Variants in EIF2B4 observed in about 807,000 individuals in gnomAD.
EIF2B4 encodes the protein eukaryotic translation initiation factor 2B subunit delta.
Under a neutral mutation model 66.7 loss-of-function variants are expected in EIF2B4, and 34 were observed. The observed-to-expected ratio is 0.51, with a 90% CI of 0.39 to 0.68. The LOEUF is 0.68. EIF2B4 is among the 30% of genes least tolerant of loss of function. EIF2B4 has a pLI of 0.00. For synonymous variants in EIF2B4, 278 were observed against 253.6 expected, an observed-to-expected ratio of 1.10 and a Z score of -0.92; for missense variants, 618 against 657.9, an observed-to-expected ratio of 0.94 and a Z score of 0.66.
At chr2:27,364,992 T>C in intron 11 of EIF2B4, 94 bp from the exon 12 acceptor site, 1 of 1,253,234 alleles carries the variant, frequency 8.0e-7, no homozygotes, top group East Asian at 2.5e-5. Flanking sequence ...TTAAGACAAG[T>C]AATAAATCTC....
chr2:27,366,971 T>G, intron 10 of EIF2B4, 35 bp from the exon 11 acceptor site: 1 of 1,613,932 alleles, frequency 6.2e-7, no homozygotes, highest in Non-Finnish European at 8.5e-7. Flanking sequence ...CAGTTATAAA[T>G]GTCAGTAACT....
Position 27,367,079 on chromosome 2 carries a change from A to G in EIF2B4, c.1008T>C (p.Tyr336=). 6.2e-7 allele frequency: 1 copy of G among 1,614,220 alleles called. No homozygotes were observed. The part of the protein sequence containing the change: ...KISNGDVILV[Y]GCSSLVSRIL... ...TCACAAGGTCTGGACCATACCATCC[A>G]TATACCAGGATCACATCTCCATTAC... The change falls in exon 10 of 13, where the codon TAT becomes TAC. Residue 336 remains tyrosine, a synonymous_variant. Transcript: ENST00000347454.
rs754244635 is a variant in EIF2B4 at position 27,364,541 on chromosome 2, C to T, written c.1431G>A (p.Gln477=). The change falls in exon 13 of 13, where the codon CAG becomes CAA. Residue 477 remains glutamine (Q), a synonymous_variant. Coordinates refer to ENST00000347454, the MANE Select transcript of EIF2B4 (RefSeq NM_001034116.2). Reference sequence around the variant, plus strand: ...TCAACAACCGTAGGGATGCGTGGTTCTGCCAGTTAGCCAGCGCAACATGTT... The same window carrying T: ...TCAACAACCGTAGGGATGCGTGGTTTTGCCAGTTAGCCAGCGCAACATGTT... ...RGEHVALANW[Q]NHASLRLLNL... The T allele has an allele frequency of 1.2e-6, 2 of 1,614,126 alleles. No individual in the cohort carries two copies. Among genetic ancestry groups the T allele is most frequent in the African/African-American group, 2.7e-5 (2 of 74,936 alleles).
chr2:27,365,685 TTAA>T (rs1380163862), intron 11 of EIF2B4: 1 of 152,190 alleles, frequency 6.6e-6, no homozygotes, highest in Non-Finnish European at 1.5e-5. Flanking sequence ...CTAATAAATC[TTAA>T]TGATGGCTTT....
At position 27,368,412 on chromosome 2, in the gene EIF2B4, G is replaced by T; in HGVS notation, c.550C>A (p.Pro184Thr). The stretch of plus-strand genomic sequence containing the variant: ...AGAGAGTTTTGTCTGCTGTACTGGG[G>T]TAGGTGAGAGAAGAGACTGACTTTG... ...GSKVSLFSHLPQYSRQNSLTQ... is the reference protein window; with the variant it reads ...GSKVSLFSHLTQYSRQNSLTQ... Residue 184 changes from proline to threonine, a missense_variant, in exon 6 of 13, where the codon CCC becomes ACC. Pro to Thr is a conservative substitution (Grantham distance 38, BLOSUM62 -1). Transcript: ENST00000347454. The T allele has an allele frequency of 6.2e-7, 1 of 1,614,150 alleles. No individual in the cohort carries two copies. The highest frequency in any genetic ancestry group is 1.7e-5 in the Admixed American group (1 of 60,014).
At chr2:27,369,802 C>A (rs1572614008) in intron 2 of EIF2B4, 74 bp downstream of exon 2, 2 of 1,513,756 alleles carry the variant, frequency 1.3e-6, no homozygotes, top group East Asian at 4.9e-5. Context: ...GGGATGGGAG[C>A]TGGGGCGGAA....
In EIF2B4 at chr2:27,368,888, G is replaced by A. The variant is rs978812492; in HGVS notation, c.418+118C>T. Reference sequence around the variant, plus strand: ...ATAGGGATAGGATAATGGGGTTGCAGGAACAATTCAGAACTCTGGGTCCCA... The same window carrying A: ...ATAGGGATAGGATAATGGGGTTGCAAGAACAATTCAGAACTCTGGGTCCCA... On this transcript the variant is annotated intron_variant, in intron 4 of 12. Coordinates refer to ENST00000347454, the MANE Select transcript of EIF2B4 (RefSeq NM_001034116.2). The A allele has an allele frequency of 4.8e-5, 70 of 1,461,900 alleles. No homozygotes were observed. In the African/African-American group the frequency reaches 6.0e-4, roughly 13 times the overall value. 90.6% of individuals were successfully genotyped at this position (1,461,900 alleles called of 1,614,324 possible). A position where few individuals can be genotyped will look rare whatever the true frequency, so the allele number is the denominator to read the frequency against.
In EIF2B4 at chr2:27,368,053, C is replaced by T; in HGVS notation, c.677G>A (p.Cys226Tyr). 1 of 1,594,918 alleles carries T rather than the reference C, an allele frequency of 6.3e-7. No homozygotes were observed. Among genetic ancestry groups the T allele is most frequent in the Non-Finnish European group, 8.5e-7 (1 of 1,170,518 alleles). The change falls in exon 7 of 13, where the codon TGT becomes TAT. Residue 226 changes from cysteine to tyrosine, a missense_variant. Cys to Tyr is a radical substitution (Grantham distance 194). Transcript: ENST00000347454. ...CTGCAAGGCACGAAGCAGGGCAATA[C>T]ACCGGGCATTGGAGCCACTGACCAG... ...QGLVSGSNARCIALLRALQQV... is the reference protein window; with the variant it reads ...QGLVSGSNARYIALLRALQQV...
At position 27,368,698 on chromosome 2, in the gene EIF2B4, C is replaced by A; in HGVS notation, c.454G>T (p.Asp152Tyr). 1 of 1,614,150 alleles carries A rather than the reference C, an allele frequency of 6.2e-7. No individual in the cohort carries two copies. The highest frequency in any genetic ancestry group is 1.1e-5 in the South Asian group (1 of 91,072). ...TTAACAAGCCTTCTCAGAAGTAGGT[C>A]ATCAACCTGAGGGTACTCAGGGAGA... ...KRLPEYPQVD[D>Y]LLLRRLVKKP... The change falls in exon 5 of 13, where the codon GAC becomes TAC. Residue 152 changes from aspartate (D) to tyrosine (Y), a missense_variant. By Grantham distance (160) the Asp-to-Tyr change is radical. Around this residue, in one of 4 missense-constraint regions of EIF2B4, gnomAD observed 506 missense variants for 511.9 expected, o/e 0.99. Transcript: ENST00000347454.
Position 27,368,746 on chromosome 2 carries a change from C to T in EIF2B4, c.419-13G>A, listed in dbSNP as rs770699036. 3 of 1,613,366 alleles carry T rather than the reference C, an allele frequency of 1.9e-6. No homozygotes were observed. The highest frequency in any genetic ancestry group is 2.5e-6 in the Non-Finnish European group (3 of 1,179,312). On this transcript the variant is annotated splice_polypyrimidine_tract_variant and intron_variant, in intron 4 of 12. Transcript: ENST00000347454. ...AGACGCTTCACTCCTGAAAGATAAT[C>T]ATCATGTTTTCAGGACACTGTAGGT...
intron 11 of EIF2B4, 111 bp from the exon 12 acceptor site, chr2:27,365,009 TG>T: frequency 9.3e-7 from 1 of 1,076,340 alleles, no homozygotes; most frequent in South Asian, 1.4e-5. Flanking sequence ...TCTCAACACC[TG>T]TGAAAAGAAG....
intron 2 of EIF2B4, 138 bp downstream of exon 2, chr2:27,369,738 G>C (rs1241149539): frequency 7.0e-7 from 1 of 1,434,046 alleles, no homozygotes; most frequent in Admixed American, 2.1e-5. Context: ...TATATCCCTA[G>C]GGTTGCAAGA....
At position 27,370,287 on chromosome 2, in the gene EIF2B4, C is replaced by G. The variant is rs542570644; in HGVS notation, c.28G>C (p.Glu10Gln). MAAVAVAVR[E>Q]DSGSGMKAEL... Reference sequence around the variant, plus strand: ...GCAGGCCCGGCTCTTCACTCACCCTCGCGAACAGCCACGGCCACAGCAGCC... The same window carrying G: ...GCAGGCCCGGCTCTTCACTCACCCTGGCGAACAGCCACGGCCACAGCAGCC... The change falls in exon 1 of 13, where the codon GAG (glutamate) becomes CAG (glutamine). Residue 10 changes from glutamate to glutamine, a missense_variant. Coordinates refer to ENST00000347454, the MANE Select transcript of EIF2B4 (RefSeq NM_001034116.2). The G allele has an allele frequency of 2.8e-5, 43 of 1,548,176 alleles. No homozygotes were observed. The Middle Eastern group carries it at 6.7e-4, about 24-fold the overall frequency.
rs1359644343 is a variant in EIF2B4, at chr2:27,367,944, A to G, written c.705+81T>C. 7 of 1,474,976 alleles carry G rather than the reference A, an allele frequency of 4.7e-6. No individual in the cohort carries two copies. In the African/African-American group the frequency reaches 9.7e-5, roughly 21 times the overall value. The allele number at this position is 1,474,976 out of a possible 1,614,324, so 91.4% of individuals were successfully genotyped here. A position where few individuals can be genotyped will look rare whatever the true frequency, so the allele number is the denominator to read the frequency against. On this transcript the variant is annotated intron_variant, in intron 7 of 12. Coordinates refer to ENST00000347454, the MANE Select transcript of EIF2B4 (RefSeq NM_001034116.2). ...TAGGAGTATTCCCTCTGTCCCCCAG[A>G]GATGACCTTGGGTGACAGAAGCTGG...
chr2:27,366,635 C>T (rs1054271987), intron 11 of EIF2B4, 124 bp downstream of exon 11: 18 of 1,156,160 alleles, frequency 1.6e-5, no homozygotes, highest in African/African-American at 3.0e-5. Flanking sequence ...GCTGTGATCA[C>T]GTCGCTGCAC....
chr2:27,368,277 C>A, intron 6 of EIF2B4, 95 bp downstream of exon 6: 1 of 1,359,838 alleles, frequency 7.4e-7, no homozygotes, highest in Non-Finnish European at 1.0e-6. Context: ...CATACTTTTT[C>A]CTACAGAGTC....
At position 27,364,753 on chromosome 2, in the gene EIF2B4, C is replaced by A. The variant is rs767391188; in HGVS notation, c.1337G>T (p.Arg446Leu). 1 of 1,614,222 alleles carries A rather than the reference C, an allele frequency of 6.2e-7. No homozygotes were observed. The highest frequency in any genetic ancestry group is 8.5e-7 in the Non-Finnish European group (1 of 1,180,046). Reference protein sequence around the residue: ...VCCETYKFCERVQTDAFVSNE... With the variant: ...VCCETYKFCELVQTDAFVSNE... The stretch of plus-strand genomic sequence containing the variant: ...AGAGACAAAGGCATCAGTCTGCACA[C>A]GCTCACAGAACTTGTATGTTTCACA... The change falls in exon 12 of 13, where the codon CGT becomes CTT. Residue 446 changes from arginine (R) to leucine (L), a missense_variant. Coordinates refer to ENST00000347454, the MANE Select transcript of EIF2B4 (RefSeq NM_001034116.2).
At chr2:27,369,307 T>C (rs1682149928) in intron 3 of EIF2B4, 95 bp from the exon 4 acceptor site, 2 of 1,609,136 alleles carry the variant, frequency 1.2e-6, no homozygotes, top group Non-Finnish European at 1.7e-6. Context: ...CCTCTTTGCT[T>C]TACACACTTG....
chr2:27,368,329 ACTC>A (rs1308768829), intron 6 of EIF2B4, 40 bp downstream of exon 6: 2 of 1,554,488 alleles, frequency 1.3e-6, no homozygotes, highest in African/African-American at 1.4e-5. Flanking sequence ...ACTTACTAAA[ACTC>A]CTCAGACTCA....
Sources: allele counts gnomAD v4.1 joint callset, GRCh38; gene constraint gnomAD v4.1.1; regional missense constraint gnomAD v4.1.1; transcripts MANE v1.5; gene names NCBI Gene and HGNC (gene_info 2026-07-23, HGNC 2026-07-21).